Variants in PARD3B observed in about 807,000 individuals in gnomAD.
The protein encoded by PARD3B is partitioning defective 3 homolog B.
PARD3B carries 103 observed loss-of-function variants against 130.2 expected under a neutral mutation model. The ratio of observed to expected loss-of-function variants is 0.79; its 90% CI spans 0.67 to 0.93. The LOEUF (loss-of-function observed/expected upper bound fraction) is 0.93, where lower values mean the gene tolerates loss of function less well. Ranked by LOEUF, PARD3B falls within the 40% of genes least tolerant of loss-of-function variation. The probability of loss-of-function intolerance (pLI) is 0.00; values close to 1 mark genes in which losing one functional copy is unlikely to be tolerated. For synonymous variants in PARD3B, 583 were observed against 553.2 expected (o/e 1.05, Z -0.76); for missense variants, 1,609 against 1,499.2 (o/e 1.07, Z -1.21).
At chr2:204,681,158 C>G (rs1205708779) in intron 1 of PARD3B, among the ~76,000 whole-genome samples, 1 of 152,144 alleles carries the variant, frequency 6.6e-6, no homozygotes, top group Non-Finnish European at 1.5e-5. Flanking sequence ...AGCCTTTTAT[C>G]ATGATTGAAT....
chr2:205,327,219 A>G (rs971491112), intron 18 of PARD3B, among the ~76,000 whole-genome samples: 1 of 152,172 alleles, frequency 6.6e-6, no homozygotes, highest in East Asian at 1.9e-4. Context: ...AACTTTGACT[A>G]TTCAGCCCAC....
Position 205,344,811 on chromosome 2 carries a change from C to T in PARD3B, c.2630+43110C>T, listed in dbSNP as rs537109040. On this transcript the variant is annotated intron_variant, in intron 18 of 22. Transcript: ENST00000406610. The stretch of plus-strand genomic sequence containing the variant: ...TATATGTGAAATTGCGTGGGTATAG[C>T]GGGGGTAGAATGCCAAAGAACAGGC... Among the ~76,000 whole-genome samples, 6 of 152,122 alleles carry T rather than the reference C, an allele frequency of 3.9e-5. No homozygotes were observed. In the South Asian group the frequency reaches 8.3e-4, roughly 21 times the overall value.
intron 1 of PARD3B, among the ~76,000 whole-genome samples, chr2:204,660,736 T>C (rs2035780275): frequency 6.6e-6 from 1 of 152,234 alleles, no homozygotes; most frequent in African/African-American, 2.4e-5. Flanking sequence ...AATTATTTTT[T>C]TGTTTTTCAT....
intron 2 of PARD3B, among the ~76,000 whole-genome samples, chr2:204,790,780 C>T (rs1185926817): frequency 1.3e-5 from 2 of 152,104 alleles, no homozygotes; most frequent in Non-Finnish European, 1.5e-5. Flanking sequence ...AAAATGAAAA[C>T]ACTGTCCGCT....
chr2:205,150,198 C>T (rs1171970301), intron 10 of PARD3B, among the ~76,000 whole-genome samples: 2 of 148,528 alleles, frequency 1.3e-5, no homozygotes, highest in Admixed American at 6.9e-5. Context: ...TCCCTTACTA[C>T]GCCAGCCAGG....
intron 3 of PARD3B, among the ~76,000 whole-genome samples, chr2:204,996,139 TGGA>T (rs1226210570): frequency 1.1e-5 from 1 of 89,752 alleles, no homozygotes; most frequent in Non-Finnish European, 2.2e-5. Context: ...TGCGTTCCTT[TGGA>T]GGAGGAGAGG....
chr2:204,883,558 C>T (rs1266497255), intron 2 of PARD3B, among the ~76,000 whole-genome samples: 2 of 148,230 alleles, frequency 1.3e-5, no homozygotes, highest in African/African-American at 5.0e-5. Context: ...AGCAATTCTC[C>T]TGCCTCAGCC....
At chr2:205,607,831 T>TACACCCACACAC (rs1553560828) in intron 22 of PARD3B, among the ~76,000 whole-genome samples, 1 of 116,190 alleles carries the variant, frequency 8.6e-6, no homozygotes, top group African/African-American at 4.1e-5. Flanking sequence ...CCAACACCCA[T>TACACCCACACAC]ACACACACAC....
At chr2:204,966,591 G>A (rs1238718847) in intron 3 of PARD3B, among the ~76,000 whole-genome samples, 1 of 152,220 alleles carries the variant, frequency 6.6e-6, no homozygotes, top group Non-Finnish European at 1.5e-5. Context: ...AGCAAGCACT[G>A]TGGTCTTCAA....
chr2:204,857,453 A>G (rs1299639912), intron 2 of PARD3B, among the ~76,000 whole-genome samples: 1 of 152,200 alleles, frequency 6.6e-6, no homozygotes, highest in Non-Finnish European at 1.5e-5. Context: ...ATAGGAAAAG[A>G]CAGATGAATG....
At chr2:205,327,274 A>G (rs1010335823) in intron 18 of PARD3B, among the ~76,000 whole-genome samples, 1 of 152,174 alleles carries the variant, frequency 6.6e-6, no homozygotes, top group African/African-American at 2.4e-5. Context: ...TTATGAAGAT[A>G]TGGCTGTATA....
chr2:205,519,051 T>TCA (rs2050916913), intron 21 of PARD3B, among the ~76,000 whole-genome samples: 1 of 152,176 alleles, frequency 6.6e-6, no homozygotes. Flanking sequence ...GAAAATCTGA[T>TCA]GATTGTGTGT....
Position 205,458,007 on chromosome 2 carries a change from G to T in PARD3B, c.3044+17335G>T, listed in dbSNP as rs1235251658. Among the ~76,000 whole-genome samples, 1 of 152,096 alleles carries T rather than the reference G, an allele frequency of 6.6e-6. No homozygotes were observed. The highest frequency in any genetic ancestry group is 6.6e-5 in the Admixed American group (1 of 15,248). On this transcript the variant is annotated intron_variant, in intron 20 of 22. Transcript: ENST00000406610. This position sits in a 1 kb window ranked among gnomAD's most constrained non-coding sequence, Gnocchi z 4.8. ...AAAATCCAGAACACTTCTGGTCCCA[G>T]ACTTTTCAGATAAGGGATACTCAAC...
chr2:205,171,177 G>A (rs1576054290), intron 11 of PARD3B, among the ~76,000 whole-genome samples: 1 of 152,208 alleles, frequency 6.6e-6, no homozygotes, highest in East Asian at 1.9e-4. Context: ...AGCAGCAGCA[G>A]CAGCAGCATG....
intron 2 of PARD3B, among the ~76,000 whole-genome samples, chr2:204,862,400 G>A (rs2045246043): frequency 6.6e-6 from 1 of 152,106 alleles, no homozygotes; most frequent in Non-Finnish European, 1.5e-5. Context: ...TGTGATTCCA[G>A]GGCATAATTT....
chr2:204,818,814 C>T (rs1452602889), intron 2 of PARD3B, among the ~76,000 whole-genome samples: 1 of 152,118 alleles, frequency 6.6e-6, no homozygotes, highest in South Asian at 2.1e-4. Context: ...TTGACAATAT[C>T]TTGTTATAGT....
chr2:205,386,286 TG>T (rs1212600034), intron 18 of PARD3B, among the ~76,000 whole-genome samples: 11 of 152,182 alleles, frequency 7.2e-5, no homozygotes, highest in Admixed American at 6.5e-5. Flanking sequence ...TAAGACTCTC[TG>T]GGGTTGGGAG....
At chr2:205,157,402 C>T (rs967229822) in intron 10 of PARD3B, among the ~76,000 whole-genome samples, 1 of 152,054 alleles carries the variant, frequency 6.6e-6, no homozygotes, top group South Asian at 2.1e-4. Flanking sequence ...CTTTGAACAA[C>T]ATATTGTCAA....
At chr2:204,584,869 G>A (rs184581850) in intron 1 of PARD3B, among the ~76,000 whole-genome samples, 3 of 152,148 alleles carry the variant, frequency 2.0e-5, no homozygotes, top group African/African-American at 4.8e-5. Context: ...GGGCATTGTC[G>A]ACACAGGTGA....
Sources: gnomAD v4.1 joint callset for allele counts (sites outside exome capture counted in the v4.1 genomes callset) on GRCh38, gnomAD v4.1.1 for gene constraint, Gnocchi (gnomAD v3.1) non-coding constraint, MANE v1.5 for transcripts, NCBI Gene and HGNC (gene_info 2026-07-23, HGNC 2026-07-21) for gene names.